KIF21A: variants seen among roughly 807,000 people sequenced by gnomAD.
KIF21A encodes kinesin family member 21A.
Under a neutral mutation model 202.9 loss-of-function variants are expected in KIF21A, and 114 were observed. The observed-to-expected ratio is 0.56, with a 90% CI of 0.48 to 0.66. The LOEUF (loss-of-function observed/expected upper bound fraction) is 0.66, where lower values mean the gene tolerates loss of function less well. KIF21A is among the 30% of genes least tolerant of loss of function. The pLI is 0.00. For missense variants in KIF21A, 1,677 were observed against 1,994.9 expected (o/e 0.84, Z 3.04); for synonymous variants, 667 against 670.8 (o/e 0.99, Z 0.09).
intron 8 of KIF21A, 113 bp downstream of exon 8, chr12:39,358,065 C>T: frequency 1.1e-6 from 1 of 911,186 alleles, no homozygotes; most frequent in Non-Finnish European, 1.8e-6. Flanking sequence ...AAGGAGGACA[C>T]TATTATGACA....
At position 39,375,777 on chromosome 12, in the gene KIF21A, T is replaced by A. The variant is rs1477852311; in HGVS notation, c.45-5516A>T. Among the ~76,000 whole-genome samples the A allele has an allele frequency of 1.3e-4, 20 of 152,140 alleles. 1 individual carries two copies. Among genetic ancestry groups the A allele is most frequent in the Admixed American group, 1.3e-3 (20 of 15,254 alleles). ...GTTAGCTTGTAAATAGAGTGAAAAC[T>A]CAGTCCCTTCACAGGCCTTAATACA... On this transcript the variant is annotated intron_variant, in intron 1 of 37. Transcript: ENST00000361418.
intron 33 of KIF21A, 91 bp downstream of exon 33, chr12:39,309,495 A>C: frequency 1.1e-6 from 1 of 931,974 alleles, no homozygotes; most frequent in Non-Finnish European, 1.6e-6. Context: ...ATTAAAATGC[A>C]TTTATAGTCC....
chr12:39,363,134 A>T lies in KIF21A; in HGVS notation c.983T>A (p.Leu328Gln). 1 of 1,613,094 alleles carries T rather than the reference A, an allele frequency of 6.2e-7. No individual in the cohort carries two copies. Among genetic ancestry groups the T allele is most frequent in the South Asian group, 1.1e-5 (1 of 91,054 alleles). ...ATHVPYRDSK[L>Q]TRLLQDSLGG... ...GAGGGAATCCTGTAGTAGTCTTGTTAGCTTGGAATCTCTATAGGGGACATG... is the reference window on the plus strand; with the variant it reads ...GAGGGAATCCTGTAGTAGTCTTGTTTGCTTGGAATCTCTATAGGGGACATG... Residue 328 changes from leucine (L) to glutamine (Q), a missense_variant, in exon 7 of 38, where the codon CTA (leucine) becomes CAA (glutamine). By Grantham distance (113) the Leu-to-Gln change is moderately radical. This residue lies in a region of KIF21A where 966 missense variants were observed against 1,180.9 expected (regional missense o/e 0.82). Transcript: ENST00000361418.
chr12:39,431,728 T>C (rs1937937814), intron 1 of KIF21A, among the ~76,000 whole-genome samples: 1 of 152,156 alleles, frequency 6.6e-6, no homozygotes, highest in South Asian at 2.1e-4. Context: ...TAATAAAAAA[T>C]TTAGAGCCAA....
At chr12:39,300,527 T>C (rs1348311838) in intron 37 of KIF21A, among the ~76,000 whole-genome samples, 1 of 152,110 alleles carries the variant, frequency 6.6e-6, no homozygotes. Flanking sequence ...TTCATGCATT[T>C]GAGATACACT....
intron 7 of KIF21A, among the ~76,000 whole-genome samples, 181 bp from the exon 8 acceptor site, chr12:39,358,554 G>T (rs1241184235): frequency 6.6e-6 from 1 of 152,122 alleles, no homozygotes; most frequent in Non-Finnish European, 1.5e-5. Context: ...TTACTTTGGG[G>T]AAATAAATTG....
At chr12:39,388,742 G>A (rs1592491134) in intron 1 of KIF21A, among the ~76,000 whole-genome samples, 1 of 152,142 alleles carries the variant, frequency 6.6e-6, no homozygotes, top group South Asian at 2.1e-4. Context: ...TATATCTCTA[G>A]AATGGCTTTA....
chr12:39,355,480 G>C (rs556463406), intron 10 of KIF21A, among the ~76,000 whole-genome samples: 1 of 151,934 alleles, frequency 6.6e-6, no homozygotes, highest in East Asian at 1.9e-4. Flanking sequence ...AGAGCAGAAA[G>C]AGAAACTTCA....
chr12:39,349,215 C>G lies in KIF21A; in HGVS notation c.1673+2562G>C, dbSNP rs60507583. ...AAAGAAGGTTCTTTCCCCTGTCTTGCCTTTTCTTGCTCCCTTCTGAATTAT... is the reference window on the plus strand; with the variant it reads ...AAAGAAGGTTCTTTCCCCTGTCTTGGCTTTTCTTGCTCCCTTCTGAATTAT... On this transcript the variant is annotated intron_variant, in intron 11 of 37. Coordinates refer to ENST00000361418, the MANE Select transcript of KIF21A (RefSeq NM_001173464.2). Among the ~76,000 whole-genome samples, 618 of 152,044 alleles carry G rather than the reference C, an allele frequency of 4.1e-3. 3 individuals are homozygous for G. The highest frequency in any genetic ancestry group is 0.013 in the African/African-American group (559 of 41,448).
intron 1 of KIF21A, among the ~76,000 whole-genome samples, chr12:39,382,740 A>T (rs911638979): frequency 1.3e-5 from 2 of 152,212 alleles, no homozygotes; most frequent in African/African-American, 2.4e-5. Flanking sequence ...CCAAATGAAC[A>T]ATTAACAAAC....
At chr12:39,376,909 A>C (rs527983087) in intron 1 of KIF21A, among the ~76,000 whole-genome samples, 12 of 152,318 alleles carry the variant, frequency 7.9e-5, no homozygotes, top group African/African-American at 2.9e-4. Context: ...AATAACATAC[A>C]ACATGTCTTC....
At chr12:39,380,170 G>A (rs1225047125) in intron 1 of KIF21A, among the ~76,000 whole-genome samples, 3 of 152,120 alleles carry the variant, frequency 2.0e-5, no homozygotes, top group African/African-American at 7.2e-5. Flanking sequence ...GTTTCACCGT[G>A]TTGCCCAGGC....
chr12:39,346,599 C>T (rs979705755), intron 11 of KIF21A, 95 bp from the exon 12 acceptor site: 30 of 777,012 alleles, frequency 3.9e-5, no homozygotes, highest in Non-Finnish European at 5.6e-6. Flanking sequence ...AAAAATGATA[C>T]ATGAGCTTGA....
intron 6 of KIF21A, 52 bp downstream of exon 6, chr12:39,366,298 A>G: frequency 6.7e-7 from 1 of 1,499,596 alleles, no homozygotes; most frequent in Admixed American, 1.7e-5. Context: ...CAAAAGACAA[A>G]AGGACAATAG....
In KIF21A at chr12:39,343,285, G is replaced by A. The variant is rs771250713; in HGVS notation, c.1713-1161C>T. Among the ~76,000 whole-genome samples the A allele has an allele frequency of 3.9e-5, 6 of 152,058 alleles. No individual in the cohort carries two copies. In the East Asian group the frequency reaches 5.8e-4, roughly 15 times the overall value. On this transcript the variant is annotated intron_variant, in intron 12 of 37. Coordinates refer to ENST00000361418, the MANE Select transcript of KIF21A (RefSeq NM_001173464.2). ...TGGGGCAGGAGAATCGCTTGAACCC[G>A]GGAGGTAGAGGTTGCAGTAAGGCAA...
intron 1 of KIF21A, among the ~76,000 whole-genome samples, chr12:39,404,837 T>C (rs1220436275): frequency 1.3e-5 from 2 of 152,192 alleles, no homozygotes; most frequent in Non-Finnish European, 2.9e-5. Context: ...AAATTAAATA[T>C]AAAATTAGTG....
rs1292042201 is a variant in KIF21A, at chr12:39,293,510, A to G, written c.*914T>C. 6.6e-6 allele frequency: 1 copy of G among 152,624 alleles called. No individual in the cohort carries two copies. 9.5% of individuals were successfully genotyped at this position (152,624 alleles called of 1,614,324 possible). A position where few individuals can be genotyped will look rare whatever the true frequency, so the allele number is the denominator to read the frequency against. On this transcript the variant is annotated 3_prime_UTR_variant, in exon 38 of 38. Transcript: ENST00000361418. ...TACATAGCTTTTCCCACCACAGATGATAATAGCTCTCATCATAGCTACCAA... is the reference window on the plus strand; with the variant it reads ...TACATAGCTTTTCCCACCACAGATGGTAATAGCTCTCATCATAGCTACCAA...
intron 1 of KIF21A, among the ~76,000 whole-genome samples, chr12:39,403,124 A>C (rs939060664): frequency 3.3e-5 from 5 of 152,076 alleles, no homozygotes; most frequent in African/African-American, 1.2e-4. Flanking sequence ...AAAAACCTTC[A>C]AACACCCCTT....
At chr12:39,413,229 G>C (rs1237934482) in intron 1 of KIF21A, among the ~76,000 whole-genome samples, 1 of 152,034 alleles carries the variant, frequency 6.6e-6, no homozygotes, top group African/African-American at 2.4e-5. Flanking sequence ...CTAAAATTTT[G>C]TTATCTTGAC....
Sources: allele counts gnomAD v4.1 joint callset (sites outside exome capture counted in the v4.1 genomes callset), GRCh38; gene constraint gnomAD v4.1.1; regional missense constraint gnomAD v4.1.1; transcripts MANE v1.5; gene names NCBI Gene and HGNC (gene_info 2026-07-23, HGNC 2026-07-21).